The following PLPP2 variants were observed in gnomAD, a reference collection of about 807,000 sequenced individuals.
PLPP2 encodes phospholipid phosphatase 2.
A neutral mutation model predicts 35.2 loss-of-function variants in PLPP2; 29 were observed. That is an observed-to-expected ratio of 0.82 (90% confidence interval 0.61 to 1.12). PLPP2 has a LOEUF of 1.12. Among genes scored for constraint, PLPP2 ranks in the 50% most tolerant of loss-of-function variants. The pLI is 0.00. For missense variants in PLPP2, 353 were observed against 375.2 expected (o/e 0.94, Z 0.49); for synonymous variants, 162 against 167.0 (o/e 0.97, Z 0.23).
At chr19:290,945 G>A in intron 1 of PLPP2, 3 of 1,232,674 alleles carry the variant, frequency 2.4e-6, no homozygotes, top group Non-Finnish European at 3.0e-6. Context: ...GGGCCCGCGT[G>A]ACTCACCTCC....
Position 281,308 on chromosome 19 carries a change from G to A in PLPP2, c.*80C>T. 3 of 1,265,212 alleles carry A rather than the reference G, an allele frequency of 2.4e-6. No individual in the cohort carries two copies. The highest frequency in any genetic ancestry group is 3.0e-6 in the Non-Finnish European group (3 of 985,296). 78.4% of individuals were successfully genotyped at this position (1,265,212 alleles called of 1,614,324 possible). A position where few individuals can be genotyped will look rare whatever the true frequency, so the allele number is the denominator to read the frequency against. Reference sequence around the variant, plus strand: ...CTGGAGCCCGTCCAGAGCCCTCAGTGCCTAACCAGGGCTGGAGGGACCACC... The same window carrying A: ...CTGGAGCCCGTCCAGAGCCCTCAGTACCTAACCAGGGCTGGAGGGACCACC... On this transcript the variant is annotated 3_prime_UTR_variant, in exon 6 of 6. Coordinates refer to ENST00000434325, the MANE Select transcript of PLPP2 (RefSeq NM_003712.4).
intron 3 of PLPP2, chr19:284,344 C>CT (rs1970233522): frequency 9.4e-6 from 1 of 106,494 alleles, no homozygotes; most frequent in African/African-American, 4.2e-5. Flanking sequence ...GGGTGAGACT[C>CT]TGTCTCAAAA....
chr19:289,922 C>T (rs114778907), intron 1 of PLPP2, among the ~76,000 whole-genome samples: 1,636 of 152,120 alleles, frequency 0.011, 31 homozygotes, highest in African/African-American at 0.035. Context: ...TCTTATCGGG[C>T]GGAGGCTCAC....
chr19:291,400 T>C lies in PLPP2; in HGVS notation c.-64A>G. The C allele has an allele frequency of 7.0e-7, 1 of 1,419,248 alleles. No individual in the cohort carries two copies. Among genetic ancestry groups the C allele is most frequent in the Non-Finnish European group, 9.4e-7 (1 of 1,067,282 alleles). 87.9% of individuals were successfully genotyped at this position (1,419,248 alleles called of 1,614,324 possible). A position where few individuals can be genotyped will look rare whatever the true frequency, so the allele number is the denominator to read the frequency against. Reference sequence around the variant, plus strand: ...GTCGCGTCCCGGCCCGGCCGCGGAGTCACGTGGCGCGGAGCCCGCCCCGCG... The same window carrying C: ...GTCGCGTCCCGGCCCGGCCGCGGAGCCACGTGGCGCGGAGCCCGCCCCGCG... On this transcript the variant is annotated 5_prime_UTR_variant, in exon 1 of 6. Coordinates refer to ENST00000434325, the MANE Select transcript of PLPP2 (RefSeq NM_003712.4).
chr19:291,151 G>A, intron 1 of PLPP2, 134 bp downstream of exon 1: 3 of 1,461,220 alleles, frequency 2.1e-6, no homozygotes, highest in African/African-American at 1.5e-5. Flanking sequence ...GTCCTCACGC[G>A]AGGTCCCCGC....
In PLPP2 at chr19:288,062, G is replaced by A. The variant is rs11542542; in HGVS notation, c.162C>T (p.His54=). 127,969 of 1,613,466 alleles carry A rather than the reference G, an allele frequency of 0.079. 5,670 individuals are homozygous for A. Among genetic ancestry groups the A allele is most frequent in the Middle Eastern group, 0.1 (618 of 6,062 alleles). ...RYPYRPDTIT[H]GLMAGVTITA... is the part of the protein sequence containing the mutation. ...TGATGGTGACCCCAGCCATGAGCCCGTGGGTGATGGTATCTGGACGGTAGG... is the reference window on the plus strand; with the variant it reads ...TGATGGTGACCCCAGCCATGAGCCCATGGGTGATGGTATCTGGACGGTAGG... Residue 54 remains histidine (H), a synonymous_variant, in exon 2 of 6, where the codon CAC becomes CAT. Coordinates refer to ENST00000434325, the MANE Select transcript of PLPP2 (RefSeq NM_003712.4).
At chr19:291,061 C>G in intron 1 of PLPP2, 1 of 1,299,470 alleles carries the variant, frequency 7.7e-7, no homozygotes, top group Non-Finnish European at 9.7e-7. Context: ...CTCTCGCGAC[C>G]CCCATCCCCC....
rs144730873 is a variant in PLPP2 at position 287,698 on chromosome 19, C to T, written c.258G>A (p.Ser86=). The part of the protein sequence containing the change: ...LVYTDRLYSR[S]DFNNYVAAVY... The stretch of plus-strand genomic sequence containing the variant: ...CAGCAGCCACGTAGTTGTTGAAGTC[C>T]GAGCGAGAATAGAGCCGGTCTGTGT... Residue 86 remains serine, a synonymous_variant, in exon 3 of 6, where the codon TCG becomes TCA. Transcript: ENST00000434325. The surrounding 1 kb of genome is among the most constrained non-coding windows in gnomAD (Gnocchi z 4.3). The T allele has an allele frequency of 1.0e-3, 1,640 of 1,613,912 alleles. 1 individual carries two copies. Among genetic ancestry groups the T allele is most frequent in the African/African-American group, 1.4e-3 (106 of 75,052 alleles).
chr19:286,149 C>G (rs1390273587), intron 3 of PLPP2: 1 of 124,680 alleles, frequency 8.0e-6, no homozygotes, highest in Non-Finnish European at 1.7e-5. Flanking sequence ...CAGACTCTGT[C>G]TCAAAAAAAA....
chr19:291,230 G>A, intron 1 of PLPP2, 55 bp downstream of exon 1: 2 of 1,595,028 alleles, frequency 1.3e-6, no homozygotes, highest in South Asian at 1.1e-5. Context: ...GCGCAGCCGG[G>A]GGCGTGTCCG....
intron 3 of PLPP2, chr19:285,512 T>C (rs1184337067): frequency 2.0e-5 from 3 of 150,116 alleles, no homozygotes; most frequent in South Asian, 2.1e-4. Flanking sequence ...GGCAGGAGAA[T>C]TGCTTAAACC....
intron 1 of PLPP2, among the ~76,000 whole-genome samples, chr19:288,690 C>T (rs1031155033): frequency 1.5e-4 from 23 of 152,178 alleles, no homozygotes; most frequent in Non-Finnish European, 2.6e-4. Context: ...CAGCATCCCT[C>T]TCACAGAAGG....
intron 3 of PLPP2, chr19:283,968 T>C (rs575685851): frequency 6.6e-6 from 1 of 152,150 alleles, no homozygotes; most frequent in Admixed American, 6.5e-5. Flanking sequence ...AAATAACTAC[T>C]GCAACAAACA....
chr19:288,216 G>C (rs745424654), intron 1 of PLPP2, 45 bp from the exon 2 acceptor site: 1 of 1,536,838 alleles, frequency 6.5e-7, no homozygotes, highest in East Asian at 2.3e-5. Flanking sequence ...TCTCTCACCA[G>C]CTGGGCCTTG....
At chr19:282,019 G>A (rs1331144223) in intron 5 of PLPP2, 115 bp downstream of exon 5, 1 of 1,198,618 alleles carries the variant, frequency 8.3e-7, no homozygotes, top group Non-Finnish European at 1.2e-6. Context: ...AGGACTGACA[G>A]GGAGGAGGCC....
At chr19:281,863 G>C (rs1475255159) in intron 5 of PLPP2, 7 of 504,240 alleles carry the variant, frequency 1.4e-5, no homozygotes, top group Non-Finnish European at 1.1e-5. Flanking sequence ...ACTGGGATTG[G>C]GGGGAAGGGG....
At chr19:281,936 G>C in intron 5 of PLPP2, 198 bp downstream of exon 5, 1 of 629,264 alleles carries the variant, frequency 1.6e-6, no homozygotes, top group South Asian at 2.0e-5. Flanking sequence ...CTGGGGAGAA[G>C]GGGTCCAGGG....
At chr19:288,996 C>G (rs1375409625) in intron 1 of PLPP2, among the ~76,000 whole-genome samples, 1 of 152,210 alleles carries the variant, frequency 6.6e-6, no homozygotes, top group Non-Finnish European at 1.5e-5. Flanking sequence ...GCCCCTTCAT[C>G]GACCAGCCAC....
chr19:291,151 G>T (rs1240408227), intron 1 of PLPP2, 134 bp downstream of exon 1: 1 of 1,461,108 alleles, frequency 6.8e-7, no homozygotes, highest in Non-Finnish European at 9.1e-7. Context: ...GTCCTCACGC[G>T]AGGTCCCCGC....
Sources: allele counts gnomAD v4.1 joint callset (sites outside exome capture counted in the v4.1 genomes callset), GRCh38; gene constraint gnomAD v4.1.1; non-coding constraint Gnocchi (gnomAD v3.1); transcripts MANE v1.5; gene names NCBI Gene and HGNC (gene_info 2026-07-23, HGNC 2026-07-21).